IL7R: variants seen among roughly 807,000 people sequenced by gnomAD.
The protein encoded by IL7R is interleukin-7 receptor subunit alpha.
Under a neutral mutation model 47.0 loss-of-function variants are expected in IL7R, and 38 were observed. The observed-to-expected ratio is 0.81, with a 90% CI of 0.62 to 1.06. The LOEUF is 1.06. IL7R is among the 50% of genes least tolerant of loss of function. The pLI, the probability that IL7R is intolerant of heterozygous loss-of-function variation, is 0.00. For missense variants in IL7R, 633 were observed against 534.8 expected (o/e 1.18, Z -1.81); for synonymous variants, 221 against 199.8 (o/e 1.11, Z -0.89).
At chr5:35,861,712 C>CT (rs5867291) in intron 2 of IL7R, among the ~76,000 whole-genome samples, 105,283 of 151,938 alleles carry the variant, frequency 0.69, 37,121 homozygotes, top group African/African-American at 0.8. Context: ...GGAAAAGAGT[C>CT]TGGTTTGAAA....
In IL7R at chr5:35,877,162, T is replaced by G. The variant is rs762308822; in HGVS notation, c.*676T>G. 1.3e-5 allele frequency: 3 copies of G among 233,216 alleles called. No homozygotes were observed. Among genetic ancestry groups the G allele is most frequent in the Non-Finnish European group, 2.5e-5 (3 of 118,188 alleles). 14.4% of individuals were successfully genotyped at this position (233,216 alleles called of 1,614,324 possible). A position where few individuals can be genotyped will look rare whatever the true frequency, so the allele number is the denominator to read the frequency against. On this transcript the variant is annotated 3_prime_UTR_variant, in exon 8 of 8. Coordinates refer to ENST00000303115, the MANE Select transcript of IL7R (RefSeq NM_002185.5). ...CTAGTAACAGGGTGTGCCTAGATAATTTATGATCCAAACTGAGTCAGTTTG... is the reference window on the plus strand; with the variant it reads ...CTAGTAACAGGGTGTGCCTAGATAAGTTATGATCCAAACTGAGTCAGTTTG...
intron 1 of IL7R, among the ~76,000 whole-genome samples, chr5:35,858,310 A>G (rs1475193767): frequency 6.6e-6 from 1 of 152,148 alleles, no homozygotes; most frequent in Non-Finnish European, 1.5e-5. Flanking sequence ...GGGGTATAGG[A>G]ATTCACATTC....
At chr5:35,865,079 T>C (rs931152301) in intron 2 of IL7R, among the ~76,000 whole-genome samples, 1 of 152,160 alleles carries the variant, frequency 6.6e-6, no homozygotes, top group African/African-American at 2.4e-5. Context: ...TCATTTACAT[T>C]AGGTATATCT....
intron 5 of IL7R, 90 bp downstream of exon 5, chr5:35,873,738 C>G: frequency 8.2e-7 from 1 of 1,213,596 alleles, no homozygotes; most frequent in Non-Finnish European, 1.2e-6. Flanking sequence ...TTGAAACTAA[C>G]CTGCAAAATA....
At chr5:35,871,526 G>A (rs974862257) in intron 4 of IL7R, among the ~76,000 whole-genome samples, 1 of 152,178 alleles carries the variant, frequency 6.6e-6, no homozygotes, top group African/African-American at 2.4e-5. Flanking sequence ...GTCATGTCTA[G>A]TGCCACTTTC....
intron 4 of IL7R, among the ~76,000 whole-genome samples, chr5:35,872,585 A>T (rs192989922): frequency 1.4e-4 from 22 of 152,352 alleles, no homozygotes; most frequent in Non-Finnish European, 1.2e-4. Flanking sequence ...TAAGGAAATT[A>T]TATAAAAGTG....
At chr5:35,873,448 T>C in intron 4 of IL7R, 32 bp from the exon 5 acceptor site, 1 of 1,594,662 alleles carries the variant, frequency 6.3e-7, no homozygotes. Context: ...TCTTTTCCCA[T>C]CCTAAGAATG....
chr5:35,875,600 G>A lies in IL7R; in HGVS notation c.876+13G>A. 1 of 1,601,824 alleles carries A rather than the reference G, an allele frequency of 6.2e-7. No individual in the cohort carries two copies. Among genetic ancestry groups the A allele is most frequent in the East Asian group, 2.2e-5 (1 of 44,814 alleles). ...GAAACCAAGAAAAGTGAGTGTTTTTGGTGCTTAAAAAGTGTTGTGTTGGCA... is the reference window on the plus strand; with the variant it reads ...GAAACCAAGAAAAGTGAGTGTTTTTAGTGCTTAAAAAGTGTTGTGTTGGCA... On this transcript the variant is annotated intron_variant, in intron 7 of 7. Transcript: ENST00000303115.
Position 35,857,859 on chromosome 5 carries a change from A to G in IL7R, c.82+800A>G, listed in dbSNP as rs560245774. On this transcript the variant is annotated intron_variant, in intron 1 of 7. Coordinates refer to ENST00000303115, the MANE Select transcript of IL7R (RefSeq NM_002185.5). ...TTAGACCATCAACTTGCTCCTGCAA[A>G]TTAAGCCCTTTCTCTTTAAGAGTTA... is the stretch of plus-strand genomic sequence containing the variant. Among the ~76,000 whole-genome samples the G allele has an allele frequency of 7.9e-5, 12 of 152,346 alleles. No homozygotes were observed. The South Asian group carries it at 2.5e-3, about 32-fold the overall frequency.
chr5:35,868,492 G>A (rs1025380457), intron 3 of IL7R, among the ~76,000 whole-genome samples: 1 of 152,194 alleles, frequency 6.6e-6, no homozygotes, highest in Admixed American at 6.5e-5. Flanking sequence ...TTAGGCAGAT[G>A]GCTGTGCATG....
intron 2 of IL7R, among the ~76,000 whole-genome samples, chr5:35,863,563 T>G (rs955064745): frequency 9.9e-5 from 15 of 152,164 alleles, no homozygotes; most frequent in African/African-American, 3.6e-4. Flanking sequence ...CTCCTTAGGA[T>G]TTAAACAAAA....
chr5:35,869,810 T>G (rs769182842), intron 3 of IL7R, among the ~76,000 whole-genome samples: 11 of 152,298 alleles, frequency 7.2e-5, no homozygotes, highest in Non-Finnish European at 1.0e-4. Context: ...CCTGCTTCCC[T>G]CTAAGTCCAG....
At chr5:35,874,339 C>T (rs1760151286) in intron 5 of IL7R, 110 bp from the exon 6 acceptor site, 3 of 831,296 alleles carry the variant, frequency 3.6e-6, no homozygotes, top group Non-Finnish European at 6.4e-6. Context: ...AAGCAACTTT[C>T]AGGAAATAAT....
Position 35,874,399 on chromosome 5 carries a change from C to T in IL7R, c.707-50C>T, listed in dbSNP as rs771939396. 4 of 1,194,712 alleles carry T rather than the reference C, an allele frequency of 3.3e-6. No individual in the cohort carries two copies. In the South Asian group the frequency reaches 4.8e-5, roughly 14 times the overall value. The allele number at this position is 1,194,712 out of a possible 1,614,324, so 74.0% of individuals were successfully genotyped here. ...ATGCAAAGCACCCTGAGACCCTACC[C>T]CCACTGCATGGCTACTGAATGCTCA... On this transcript the variant is annotated intron_variant, in intron 5 of 7. Coordinates refer to ENST00000303115, the MANE Select transcript of IL7R (RefSeq NM_002185.5).
rs1580865367 is a variant in IL7R at position 35,876,750 on chromosome 5, A to G, written c.*264A>G. The G allele has an allele frequency of 4.0e-6, 2 of 502,092 alleles. No individual in the cohort carries two copies. Among genetic ancestry groups the G allele is most frequent in the East Asian group, 3.3e-5 (1 of 30,648 alleles). The allele number at this position is 502,092 out of a possible 1,614,324, so 31.1% of individuals were successfully genotyped here. ...CCAATGATTCAGCTATTTAAAAAAA[A>G]AAGAGGAAAGAATGAAAGAGTAAAG... On this transcript the variant is annotated 3_prime_UTR_variant, in exon 8 of 8. Coordinates refer to ENST00000303115, the MANE Select transcript of IL7R (RefSeq NM_002185.5).
rs2149906103 is a variant in IL7R at position 35,876,346 on chromosome 5, A to C, written c.1240A>C (p.Thr414Pro). The C allele has an allele frequency of 6.2e-7, 1 of 1,613,310 alleles. No homozygotes were observed. Among genetic ancestry groups the C allele is most frequent in the Non-Finnish European group, 8.5e-7 (1 of 1,179,456 alleles). The change falls in exon 8 of 8, where the codon ACG (threonine) becomes CCG (proline). Residue 414 changes from threonine (T) to proline (P), a missense_variant. Physicochemically the swap from Thr to Pro is conservative, Grantham distance 38. Coordinates refer to ENST00000303115, the MANE Select transcript of IL7R (RefSeq NM_002185.5). ...LLLSLGTTNS[T>P]LPPPFSLQSG... is the part of the protein sequence containing the mutation. ...GCTTAGCCTTGGGACTACAAACAGC[A>C]CGCTGCCCCCTCCATTTTCTCTCCA...
intron 3 of IL7R, 70 bp downstream of exon 3, chr5:35,867,533 T>A: frequency 2.4e-6 from 3 of 1,273,642 alleles, no homozygotes; most frequent in Non-Finnish European, 3.4e-6. Flanking sequence ...CTGGACATTC[T>A]GTAGGTTAAA....
rs11567702 is a variant in IL7R, at chr5:35,859,823, A to T, written c.83-1029A>T. Among the ~76,000 whole-genome samples the T allele has an allele frequency of 4.8e-3, 729 of 152,234 alleles. 5 individuals carry two copies. Among genetic ancestry groups the T allele is most frequent in the African/African-American group, 0.016 (685 of 41,542 alleles). ...GCCTTGGAAGCATCTAATTTCTAGTACTGATGAACCAAAAATACATGGAAG... is the reference window on the plus strand; with the variant it reads ...GCCTTGGAAGCATCTAATTTCTAGTTCTGATGAACCAAAAATACATGGAAG... On this transcript the variant is annotated intron_variant, in intron 1 of 7. Coordinates refer to ENST00000303115, the MANE Select transcript of IL7R (RefSeq NM_002185.5).
At chr5:35,869,671 TGGGCACAG>T (rs901193470) in intron 3 of IL7R, among the ~76,000 whole-genome samples, 37 of 152,156 alleles carry the variant, frequency 2.4e-4, no homozygotes, top group African/African-American at 8.7e-4. Flanking sequence ...TATTAAAAGA[TGGGCACAG>T]GGCAGGGGCT....
Sources: allele counts gnomAD v4.1 joint callset (sites outside exome capture counted in the v4.1 genomes callset), GRCh38; gene constraint gnomAD v4.1.1; transcripts MANE v1.5; gene names NCBI Gene and HGNC (gene_info 2026-07-23, HGNC 2026-07-21).